Variants in NCKAP5 observed in about 807,000 individuals in gnomAD.
The protein encoded by NCKAP5 is nck-associated protein 5.
NCKAP5 carries 92 observed loss-of-function variants against 167.0 expected under a neutral mutation model. The ratio of observed to expected loss-of-function variants is 0.55; its 90% CI spans 0.47 to 0.66. The LOEUF is 0.66. Among genes scored for constraint, NCKAP5 ranks in the 30% least tolerant of loss-of-function variants. NCKAP5 has a pLI of 0.00. For missense variants in NCKAP5, 2,378 were observed against 2,315.0 expected (o/e 1.03, Z -0.56); for synonymous variants, 891 against 877.4 (o/e 1.02, Z -0.27).
At chr2:133,535,587 T>C (rs1356385045) in intron 2 of NCKAP5, among the ~76,000 whole-genome samples, 2 of 151,230 alleles carry the variant, frequency 1.3e-5, no homozygotes, top group Admixed American at 1.3e-4. Flanking sequence ...TGATTCCATA[T>C]CTTTGCTACT....
intron 6 of NCKAP5, among the ~76,000 whole-genome samples, chr2:133,063,037 G>A (rs1362463389): frequency 6.6e-6 from 1 of 152,174 alleles, no homozygotes; most frequent in Non-Finnish European, 1.5e-5. Flanking sequence ...ACTAGAAGAG[G>A]CAGGCAAAAC....
In NCKAP5 at chr2:133,176,641, C is replaced by A. The variant is rs542722672; in HGVS notation, c.207+37075G>T. Reference sequence around the variant, plus strand: ...ATGTGCTAGTAACCTGGTTTCTAGTCTTTGATTAGCAAACATCTGATGAAC... The same window carrying A: ...ATGTGCTAGTAACCTGGTTTCTAGTATTTGATTAGCAAACATCTGATGAAC... On this transcript the variant is annotated intron_variant, in intron 5 of 19. Coordinates refer to ENST00000409261, the MANE Select transcript of NCKAP5 (RefSeq NM_207363.3). 3.9e-5 allele frequency among the ~76,000 whole-genome samples: 6 copies of A among 152,266 alleles called. No individual in the cohort carries two copies. The South Asian group carries it at 1.2e-3, about 32-fold the overall frequency.
At chr2:132,700,279 G>A (rs968015166) in intron 19 of NCKAP5, among the ~76,000 whole-genome samples, 4 of 149,846 alleles carry the variant, frequency 2.7e-5, no homozygotes, top group African/African-American at 1.0e-4. Flanking sequence ...TAGGTTGCCT[G>A]TTCACTCTGA....
chr2:132,780,162 A>C (rs902434951), intron 15 of NCKAP5, among the ~76,000 whole-genome samples: 7 of 152,102 alleles, frequency 4.6e-5, no homozygotes, highest in Non-Finnish European at 8.8e-5. Context: ...TTTTTTATTT[A>C]TTTTTTTGAG....
intron 3 of NCKAP5, among the ~76,000 whole-genome samples, chr2:133,511,976 T>C (rs937250814): frequency 6.6e-6 from 1 of 152,174 alleles, no homozygotes; most frequent in Admixed American, 6.5e-5. Flanking sequence ...AAACCTTCTA[T>C]AGGAAGCTGG....
chr2:132,889,005 T>C, intron 8 of NCKAP5, among the ~76,000 whole-genome samples: 1 of 152,206 alleles, frequency 6.6e-6, no homozygotes, highest in East Asian at 1.9e-4. Context: ...AGCTTCTACC[T>C]GGCCTCTTAG....
intron 5 of NCKAP5, among the ~76,000 whole-genome samples, chr2:133,173,182 G>A (rs929847241): frequency 6.6e-6 from 1 of 152,130 alleles, no homozygotes. Context: ...CTTTAGATTT[G>A]GGGATGGCAG....
At chr2:133,146,151 ACTAGATAAAATGGGAGGGAAGCAACAT>A (rs2083189615) in intron 5 of NCKAP5, among the ~76,000 whole-genome samples, 3 of 151,802 alleles carry the variant, frequency 2.0e-5, no homozygotes. Context: ...AAAAGCAACA[ACTAGATAAAATGGGAGGGAAGCAACAT>A]CTAGATAAAA....
At chr2:133,079,310 T>C (rs1487442832) in intron 6 of NCKAP5, among the ~76,000 whole-genome samples, 1 of 152,080 alleles carries the variant, frequency 6.6e-6, no homozygotes, top group African/African-American at 2.4e-5. Context: ...GACTTGGAGA[T>C]TGAGAAGGGT....
intron 2 of NCKAP5, among the ~76,000 whole-genome samples, chr2:133,523,534 G>T (rs1186029028): frequency 6.6e-6 from 1 of 152,172 alleles, no homozygotes. Context: ...ATGTAAATTT[G>T]AGTAGATTCC....
intron 3 of NCKAP5, among the ~76,000 whole-genome samples, chr2:133,448,264 G>A (rs1470630219): frequency 2.3e-4 from 33 of 143,638 alleles, no homozygotes; most frequent in Admixed American, 1.4e-4. Context: ...AAAAAAAAAA[G>A]AGGGAGGCGG....
the NCKAP5 span, among the ~76,000 whole-genome samples, chr2:133,590,028 C>A: frequency 6.6e-6 from 1 of 152,250 alleles, no homozygotes; most frequent in African/African-American, 2.4e-5. Context: ...ACTCTAGAAT[C>A]CTCTTTCCTG....
chr2:133,085,708 C>T (rs1320643271), intron 6 of NCKAP5, among the ~76,000 whole-genome samples: 2 of 152,090 alleles, frequency 1.3e-5, no homozygotes, highest in African/African-American at 4.8e-5. Context: ...GGCAAGCTGG[C>T]TAATTAATTC....
chr2:133,645,285 G>T, the NCKAP5 span, among the ~76,000 whole-genome samples: 1 of 152,032 alleles, frequency 6.6e-6, no homozygotes, highest in African/African-American at 2.4e-5. Context: ...AACTCCTCTG[G>T]CAACCATCTC....
intron 5 of NCKAP5, 147 bp downstream of exon 5, chr2:133,213,569 T>C (rs2086298008): frequency 1.4e-6 from 1 of 729,706 alleles, no homozygotes. Flanking sequence ...GCTGTATAAA[T>C]TCTATTATAA....
At chr2:133,278,680 A>G (rs1333254243) in intron 4 of NCKAP5, among the ~76,000 whole-genome samples, 1 of 151,984 alleles carries the variant, frequency 6.6e-6, no homozygotes, top group Non-Finnish European at 1.5e-5. Flanking sequence ...CTCAAAAACA[A>G]ACCAAAAAAT....
chr2:133,194,710 T>C (rs1377598886), intron 5 of NCKAP5, among the ~76,000 whole-genome samples: 3 of 151,904 alleles, frequency 2.0e-5, no homozygotes, highest in Non-Finnish European at 4.4e-5. Context: ...AAAATTTAAA[T>C]TTTATATAAC....
At chr2:133,549,611 T>C (rs1233204483) in intron 2 of NCKAP5, among the ~76,000 whole-genome samples, 6 of 147,056 alleles carry the variant, frequency 4.1e-5, no homozygotes, top group Non-Finnish European at 9.0e-5. Context: ...TAGAGGGAAA[T>C]TTATAGCACT....
intron 8 of NCKAP5, among the ~76,000 whole-genome samples, chr2:132,927,378 T>TC (rs1695987559): frequency 6.6e-6 from 1 of 151,808 alleles, no homozygotes; most frequent in African/African-American, 2.4e-5. Flanking sequence ...CTTTTAGGAT[T>TC]TTTTTTTCCC....
Sources: gnomAD v4.1 joint callset for allele counts (sites outside exome capture counted in the v4.1 genomes callset) on GRCh38, gnomAD v4.1.1 for gene constraint, MANE v1.5 for transcripts, NCBI Gene and HGNC (gene_info 2026-07-23, HGNC 2026-07-21) for gene names.